The following ATP1A2 variants were observed in gnomAD, a reference collection of about 807,000 sequenced individuals.
ATP1A2 encodes sodium/potassium-transporting ATPase subunit alpha-2.
In ATP1A2, 56 loss-of-function variants were observed where a neutral mutation model predicts 113.1. The ratio of observed to expected loss-of-function variants is 0.49; its 90% confidence interval spans 0.40 to 0.62. The LOEUF is 0.62. Ranked by LOEUF, ATP1A2 falls within the 20% of genes least tolerant of loss-of-function variation. The probability of loss-of-function intolerance (pLI) is 0.00; values close to 1 mark genes in which losing one functional copy is unlikely to be tolerated. For missense variants in ATP1A2, 712 were observed against 1,357.8 expected (o/e 0.52, Z 7.47); for synonymous variants, 490 against 526.8 (o/e 0.93, Z 0.96).
At chr1:160,116,226 GTTTGGC>G (rs1468027051) in intron 1 of ATP1A2, among the ~76,000 whole-genome samples, 1 of 152,102 alleles carries the variant, frequency 6.6e-6, no homozygotes, top group Non-Finnish European at 1.5e-5. Context: ...CTGAAAGGAT[GTTTGGC>G]ACTGTGAGTC....
intron 1 of ATP1A2, among the ~76,000 whole-genome samples, chr1:160,118,567 C>T (rs1285861372): frequency 6.6e-6 from 1 of 152,134 alleles, no homozygotes; most frequent in Non-Finnish European, 1.5e-5. Flanking sequence ...TTGGGCTGCT[C>T]GGTCTCCCCA....
At chr1:160,125,090 C>T in intron 6 of ATP1A2, 46 bp from the exon 7 acceptor site, 2 of 1,518,220 alleles carry the variant, frequency 1.3e-6, no homozygotes, top group Non-Finnish European at 1.8e-6. Flanking sequence ...TGTGTGCATA[C>T]AAGTGGCTCT....
chr1:160,128,332 G>A lies in ATP1A2; in HGVS notation c.1018-320G>A, dbSNP rs187127074. 780 of 599,988 alleles carry A rather than the reference G, an allele frequency of 1.3e-3. 3 individuals are homozygous for A. Among genetic ancestry groups the A allele is most frequent in the African/African-American group, 8.0e-3 (436 of 54,752 alleles). 37.2% of individuals were successfully genotyped at this position (599,988 alleles called of 1,614,324 possible). A position where few individuals can be genotyped will look rare whatever the true frequency, so the allele number is the denominator to read the frequency against. On this transcript the variant is annotated intron_variant, in intron 8 of 22. Coordinates refer to ENST00000361216, the MANE Select transcript of ATP1A2 (RefSeq NM_000702.4). ...CAGCTGTCTGTTCTTCCTACACCCT[G>A]AGCAAGAGCCAATCTCCTCCCAGTT... is the stretch of plus-strand genomic sequence containing the variant.
chr1:160,137,414 C>T (rs565157095), intron 20 of ATP1A2, among the ~76,000 whole-genome samples: 192 of 152,248 alleles, frequency 1.3e-3, no homozygotes, highest in African/African-American at 4.4e-3. Flanking sequence ...TTCTGGAGGC[C>T]ACGTGCTGCC....
chr1:160,130,721 G>T (rs1464600279), intron 13 of ATP1A2, 124 bp downstream of exon 13: 1 of 1,363,608 alleles, frequency 7.3e-7, no homozygotes, highest in Non-Finnish European at 1.0e-6. Context: ...ACTCAGAGAA[G>T]AAGCTGTCCA....
chr1:160,123,148 T>G, intron 3 of ATP1A2, 65 bp from the exon 4 acceptor site: 1 of 1,568,634 alleles, frequency 6.4e-7, no homozygotes, highest in Non-Finnish European at 8.7e-7. Context: ...GCTGAAGGGA[T>G]GGGCATGGTG....
chr1:160,138,428 T>C (rs1652024518), intron 20 of ATP1A2, among the ~76,000 whole-genome samples: 1 of 152,250 alleles, frequency 6.6e-6, no homozygotes, highest in Non-Finnish European at 1.5e-5. Flanking sequence ...TTCACAAATG[T>C]AGCTTGAGAG....
chr1:160,118,602 A>G (rs1032712191), intron 1 of ATP1A2, among the ~76,000 whole-genome samples: 45 of 152,174 alleles, frequency 3.0e-4, no homozygotes, highest in African/African-American at 9.9e-4. Context: ...TAGGAGGCCA[A>G]AATTATACCA....
At chr1:160,127,161 T>C (rs1558005164) in intron 7 of ATP1A2, among the ~76,000 whole-genome samples, 1 of 152,174 alleles carries the variant, frequency 6.6e-6, no homozygotes. Flanking sequence ...AGAAAGAAAA[T>C]CTTAAGACTG....
intron 1 of ATP1A2, among the ~76,000 whole-genome samples, chr1:160,120,667 G>A (rs1450811475): frequency 6.6e-6 from 1 of 152,200 alleles, no homozygotes; most frequent in Non-Finnish European, 1.5e-5. Context: ...CTCAAGTGGT[G>A]CTTTTCAGTC....
intron 14 of ATP1A2, among the ~76,000 whole-genome samples, 166 bp from the exon 15 acceptor site, chr1:160,134,978 CA>C (rs1283147500): frequency 6.6e-6 from 1 of 152,136 alleles, no homozygotes; most frequent in Non-Finnish European, 1.5e-5. Context: ...CTCACATTCT[CA>C]AAGAGAAATG....
chr1:160,120,609 G>C (rs1458841696), intron 1 of ATP1A2, among the ~76,000 whole-genome samples: 1 of 152,090 alleles, frequency 6.6e-6, no homozygotes, highest in African/African-American at 2.4e-5. Context: ...TTAGCAGCAG[G>C]GTCCTTTCAA....
At chr1:160,134,993 GAAGT>G in intron 14 of ATP1A2, 148 bp from the exon 15 acceptor site, 1 of 979,252 alleles carries the variant, frequency 1.0e-6, no homozygotes, top group Non-Finnish European at 1.6e-6. Context: ...AGAAATGGGG[GAAGT>G]GAGTACTGAG....
Position 160,128,696 on chromosome 1 carries a change from C to A in ATP1A2, c.1062C>A (p.Cys354Ter), listed in dbSNP as rs1651663976. Residue 354 changes from cysteine (C) to a stop codon, truncating the protein, a stop_gained, in exon 9 of 23, where the codon TGC (cysteine) becomes TGA (stop). Coordinates refer to ENST00000361216, the MANE Select transcript of ATP1A2 (RefSeq NM_000702.4). LOFTEE classifies it high-confidence loss of function. ...LTAKRMARKNCLVKNLEAVET... is the reference protein window; with the variant it reads ...LTAKRMARKN ...CCAAGCGCATGGCACGGAAGAACTG[C>A]CTGGTGAAGAACCTGGAGGCGGTGG... 6.2e-7 allele frequency: 1 copy of A among 1,614,036 alleles called. No homozygotes were observed.
In ATP1A2 at chr1:160,130,555, T is replaced by C. The variant is rs1248989346; in HGVS notation, c.1785T>C (p.Ala595=). The change falls in exon 13 of 23, where the codon GCT becomes GCC. Residue 595 remains alanine (A), a synonymous_variant. Coordinates refer to ENST00000361216, the MANE Select transcript of ATP1A2 (RefSeq NM_000702.4). The part of the protein sequence containing the change: ...LMSMIDPPRA[A]VPDAVGKCRS... ...CTATGATTGACCCTCCCCGGGCTGC[T>C]GTGCCAGATGCTGTGGGCAAGTGCC... 1.2e-6 allele frequency: 2 copies of C among 1,614,126 alleles called. No individual in the cohort carries two copies. The highest frequency in any genetic ancestry group is 1.3e-5 in the African/African-American group (1 of 74,944).
rs1247007809 is a variant in ATP1A2 at position 160,123,827 on chromosome 1, A to G, written c.382-116A>G. ...TCCCCTACCATCATCACTCTCAGTC[A>G]CAGACAAAGGTCTGGGCTGTCATCT... is the stretch of plus-strand genomic sequence containing the variant. On this transcript the variant is annotated intron_variant, in intron 4 of 22. Transcript: ENST00000361216. 3 of 934,388 alleles carry G rather than the reference A, an allele frequency of 3.2e-6. No individual in the cohort carries two copies. In the African/African-American group the frequency reaches 4.9e-5, roughly 15 times the overall value. 57.9% of individuals were successfully genotyped at this position (934,388 alleles called of 1,614,324 possible).
chr1:160,125,448 G>A (rs1651557646), intron 7 of ATP1A2, 195 bp downstream of exon 7: 1 of 601,914 alleles, frequency 1.7e-6, no homozygotes, highest in South Asian at 1.9e-5. Context: ...GACTCCATGG[G>A]AAATGTATCT....
chr1:160,133,708 A>C (rs1255167723), intron 13 of ATP1A2, among the ~76,000 whole-genome samples: 2 of 152,056 alleles, frequency 1.3e-5, no homozygotes, highest in African/African-American at 4.8e-5. Context: ...GTCCCTGTGC[A>C]TTTGAGCAAA....
chr1:160,123,461 C>T, intron 4 of ATP1A2, 45 bp downstream of exon 4: 1 of 1,611,886 alleles, frequency 6.2e-7, no homozygotes, highest in Non-Finnish European at 8.5e-7. Flanking sequence ...GACTGTCCTC[C>T]AACCCTGAAC....
Sources: gnomAD v4.1 joint callset for allele counts (sites outside exome capture counted in the v4.1 genomes callset) on GRCh38, gnomAD v4.1.1 for gene constraint, MANE v1.5 for transcripts, NCBI Gene and HGNC (gene_info 2026-07-23, HGNC 2026-07-21) for gene names.